The following AVL9 variants were observed in gnomAD, a reference collection of about 807,000 sequenced individuals.
AVL9 encodes late secretory pathway protein AVL9 homolog.
AVL9 carries 49 observed loss-of-function variants against 79.2 expected under a neutral mutation model. The observed-to-expected ratio is 0.62, with a 90% CI of 0.49 to 0.79. The LOEUF (loss-of-function observed/expected upper bound fraction) is 0.79. AVL9 is among the 30% of genes least tolerant of loss of function. The probability of loss-of-function intolerance (pLI) is 0.00; values close to 1 mark genes in which losing one functional copy is unlikely to be tolerated. For synonymous variants in AVL9, 299 were observed against 280.6 expected, an observed-to-expected ratio of 1.07 and a Z score of -0.65; for missense variants, 682 against 776.8, an observed-to-expected ratio of 0.88 and a Z score of 1.45.
At position 32,545,389 on chromosome 7, in the gene AVL9, T is replaced by TGAG; in HGVS notation, c.300+617_300+619dup. 1.8e-5 allele frequency among the ~76,000 whole-genome samples: 2 copies of TGAG among 110,162 alleles called. 1 individual carries two copies. The highest frequency in any genetic ancestry group is 6.7e-5 in the African/African-American group (2 of 29,912). The allele number at this position is 110,162 out of a possible 152,430, so 72.3% of individuals were successfully genotyped here. On this transcript the variant is annotated intron_variant, in intron 3 of 15. Coordinates refer to ENST00000318709, the MANE Select transcript of AVL9 (RefSeq NM_015060.3). ...CTTTTTTTTTTTTTTTTTTTTTTTTTGAGGAGGAGTCTCACTCTGTTGCCT... is the reference window on the plus strand; with the variant it reads ...CTTTTTTTTTTTTTTTTTTTTTTTTTGAGGAGGAGGAGTCTCACTCTGTTGCCT...
chr7:32,509,743 C>T (rs1264683877), intron 1 of AVL9, among the ~76,000 whole-genome samples: 10 of 152,134 alleles, frequency 6.6e-5, no homozygotes, highest in Admixed American at 2.0e-4. Context: ...CCCAGCTACT[C>T]GGGAGGCTGA....
chr7:32,543,842 A>G (rs114146537), intron 2 of AVL9, among the ~76,000 whole-genome samples: 3,513 of 151,888 alleles, frequency 0.023, 150 homozygotes, highest in African/African-American at 0.079. Flanking sequence ...GTATTTTACT[A>G]TGGTATTTGA....
At position 32,586,933 on chromosome 7, in the gene AVL9, T is replaced by C. The variant is rs1342621652; in HGVS notation, c.*3026T>C. ...GCTTAGAATGATTGTGCATATGCAG[T>C]TGGCTCACATAACCAGCATGAACAG... On this transcript the variant is annotated 3_prime_UTR_variant, in exon 16 of 16. Coordinates refer to ENST00000318709, the MANE Select transcript of AVL9 (RefSeq NM_015060.3). The C allele has an allele frequency of 6.6e-6, 1 of 152,210 alleles. No individual in the cohort carries two copies. Among genetic ancestry groups the C allele is most frequent in the Non-Finnish European group, 1.5e-5 (1 of 68,058 alleles). The allele number at this position is 152,210 out of a possible 1,614,324, so 9.4% of individuals were successfully genotyped here. A position where few individuals can be genotyped will look rare whatever the true frequency, so the allele number is the denominator to read the frequency against.
chr7:32,553,888 C>T (rs977759823), intron 7 of AVL9, 121 bp downstream of exon 7: 1 of 643,298 alleles, frequency 1.6e-6, no homozygotes, highest in Non-Finnish European at 2.7e-6. Context: ...TTGTGGCATA[C>T]CATGCTTTAG....
rs182662516 is a variant in AVL9, at chr7:32,545,147, T to A, written c.300+368T>A. On this transcript the variant is annotated intron_variant, in intron 3 of 15. Transcript: ENST00000318709. ...ATGCTTGTGTGTTTTTTAGTTTTTT[T>A]ATTTTTTTAAAGACAGGGCCTTGCT... Among the ~76,000 whole-genome samples, 134 of 152,232 alleles carry A rather than the reference T, an allele frequency of 8.8e-4. 1 individual carries two copies. The highest frequency in any genetic ancestry group is 5.9e-4 in the Non-Finnish European group (40 of 68,022).
At chr7:32,517,661 C>T (rs1562759222) in intron 1 of AVL9, among the ~76,000 whole-genome samples, 1 of 152,086 alleles carries the variant, frequency 6.6e-6, no homozygotes, top group Non-Finnish European at 1.5e-5. Context: ...TGAGAAATGT[C>T]TTAAGAATTG....
Position 32,551,380 on chromosome 7 carries a change from C to G in AVL9, c.419C>G (p.Ala140Gly). 1.2e-6 allele frequency: 2 copies of G among 1,611,700 alleles called. No individual in the cohort carries two copies. The highest frequency in any genetic ancestry group is 1.7e-6 in the Non-Finnish European group (2 of 1,178,254). ...LQAKLQLITH[A>G]YFEEKDFSQI... ...GCAAAACTTCAACTCATTACACATG[C>G]ATATTTTGAAGAGAAGGATTTTTCC... The change falls in exon 5 of 16, where the codon GCA becomes GGA. Residue 140 changes from alanine to glycine, a missense_variant. Coordinates refer to ENST00000318709, the MANE Select transcript of AVL9 (RefSeq NM_015060.3).
intron 1 of AVL9, among the ~76,000 whole-genome samples, chr7:32,505,858 C>T (rs572474420): frequency 6.6e-6 from 1 of 152,174 alleles, no homozygotes; most frequent in Non-Finnish European, 1.5e-5. Flanking sequence ...TATAGGAACC[C>T]AGACCTCTCT....
chr7:32,540,339 A>G (rs1789121942), intron 1 of AVL9, among the ~76,000 whole-genome samples: 1 of 152,258 alleles, frequency 6.6e-6, no homozygotes, highest in African/African-American at 2.4e-5. Flanking sequence ...ATTTTGGCAC[A>G]TTAAGATTTT....
chr7:32,540,834 T>G (rs1038416673), intron 1 of AVL9, among the ~76,000 whole-genome samples: 1 of 149,540 alleles, frequency 6.7e-6, no homozygotes. Flanking sequence ...AAATTGCATT[T>G]CCATGATTAA....
At chr7:32,535,852 G>A (rs925532535) in intron 1 of AVL9, 1 of 152,048 alleles carries the variant, frequency 6.6e-6, no homozygotes, top group Non-Finnish European at 1.5e-5. Context: ...GGATCATGGG[G>A]GCAGTTTCCC....
At chr7:32,514,076 A>G (rs1444783647) in intron 1 of AVL9, among the ~76,000 whole-genome samples, 2 of 152,214 alleles carry the variant, frequency 1.3e-5, no homozygotes, top group Non-Finnish European at 2.9e-5. Flanking sequence ...ACACCAAGTC[A>G]TTCCATTCCC....
Position 32,573,350 on chromosome 7 carries a change from G to A in AVL9, c.1502G>A (p.Gly501Asp). Residue 501 changes from glycine (G) to aspartate (D), a missense_variant, in exon 12 of 16, where the codon GGT becomes GAT. Physicochemically the swap from Gly to Asp is moderately conservative, Grantham distance 94. Transcript: ENST00000318709. Reference protein sequence around the residue: ...VFLDGTGWEGGDEWIRAQFAV... With the variant: ...VFLDGTGWEGDDEWIRAQFAV... ...CTAGATGGCACGGGCTGGGAGGGAG[G>A]TGACGAATGGATCCGGGCCCAGTTT... 1 of 1,613,834 alleles carries A rather than the reference G, an allele frequency of 6.2e-7. No homozygotes were observed.
At chr7:32,572,349 C>G (rs1221443170) in intron 11 of AVL9, among the ~76,000 whole-genome samples, 1 of 150,954 alleles carries the variant, frequency 6.6e-6, no homozygotes, top group African/African-American at 2.5e-5. Context: ...CAGGAGGATA[C>G]AGATGGGAGG....
At chr7:32,525,530 A>G (rs1230850583) in intron 1 of AVL9, among the ~76,000 whole-genome samples, 1 of 152,190 alleles carries the variant, frequency 6.6e-6, no homozygotes, top group African/African-American at 2.4e-5. Flanking sequence ...GCTAGAGAGA[A>G]ATTGTTTCAA....
intron 1 of AVL9, among the ~76,000 whole-genome samples, chr7:32,512,199 A>T (rs1787704183): frequency 6.6e-6 from 1 of 152,224 alleles, no homozygotes; most frequent in Non-Finnish European, 1.5e-5. Flanking sequence ...TTGGGATACC[A>T]TGTAGTTTTG....
intron 10 of AVL9, among the ~76,000 whole-genome samples, chr7:32,561,475 C>T (rs551805314): frequency 4.2e-4 from 64 of 152,314 alleles, no homozygotes; most frequent in African/African-American, 1.4e-3. Flanking sequence ...GCTCTCTCAG[C>T]TTTCATATAA....
intron 1 of AVL9, among the ~76,000 whole-genome samples, chr7:32,518,618 A>G (rs546122046): frequency 2.0e-5 from 3 of 152,278 alleles, no homozygotes; most frequent in African/African-American, 7.2e-5. Context: ...AAGAAAGCTA[A>G]AAGAAAAATA....
At chr7:32,502,601 A>G (rs981449124) in intron 1 of AVL9, among the ~76,000 whole-genome samples, 4 of 152,144 alleles carry the variant, frequency 2.6e-5, no homozygotes, top group Admixed American at 1.3e-4. Flanking sequence ...ATTTTTCACT[A>G]TTTTGAATAG....
Sources: allele counts gnomAD v4.1 joint callset (sites outside exome capture counted in the v4.1 genomes callset), GRCh38; gene constraint gnomAD v4.1.1; transcripts MANE v1.5; gene names NCBI Gene and HGNC (gene_info 2026-07-23, HGNC 2026-07-21).